The following CNOT7 variants were observed in gnomAD, a reference collection of about 807,000 sequenced individuals.
The protein encoded by CNOT7 is CCR4-NOT transcription complex subunit 7.
A neutral mutation model predicts 37.1 loss-of-function variants in CNOT7; 4 were observed. That is an observed-to-expected ratio of 0.11 (90% CI 0.05 to 0.25). CNOT7 has a LOEUF of 0.25. CNOT7 is among the 10% of genes least tolerant of loss of function. The pLI is 1.00. For synonymous variants in CNOT7, 128 were observed against 115.6 expected, an observed-to-expected ratio of 1.11 and a Z score of -0.69; for missense variants, 170 against 336.2, an observed-to-expected ratio of 0.51 and a Z score of 3.87.
intron 6 of CNOT7, among the ~76,000 whole-genome samples, 154 bp from the exon 7 acceptor site, chr8:17,231,002 A>G (rs548314011): frequency 3.2e-4 from 49 of 152,136 alleles, no homozygotes; most frequent in Non-Finnish European, 6.0e-4. Context: ...TTTCAGTTCA[A>G]TGAGTAAGAC....
rs1438237526 is a variant in CNOT7, at chr8:17,225,729, C to T, written c.*4991G>A. 3.3e-5 allele frequency: 5 copies of T among 151,558 alleles called. No individual in the cohort carries two copies. The highest frequency in any genetic ancestry group is 7.3e-5 in the African/African-American group (3 of 41,344). The allele number at this position is 151,558 out of a possible 1,614,324, so 9.4% of individuals were successfully genotyped here. On this transcript the variant is annotated 3_prime_UTR_variant, in exon 7 of 7. Coordinates refer to ENST00000361272, the MANE Select transcript of CNOT7 (RefSeq NM_013354.7). ...AATGTCTTAATAGAAAAATAAATGA[C>T]AGGTAACGTTGTTATAAAAGAAACT...
At position 17,227,927 on chromosome 8, in the gene CNOT7, C is replaced by A. The variant is rs1563180617; in HGVS notation, c.*2793G>T. On this transcript the variant is annotated 3_prime_UTR_variant, in exon 7 of 7. Coordinates refer to ENST00000361272, the MANE Select transcript of CNOT7 (RefSeq NM_013354.7). ...ATGCTTTCAGGTAATATCTGCATCA[C>A]CATGATTCTGTAGCTTGCCAAGCGG... 6.6e-6 allele frequency: 1 copy of A among 151,866 alleles called. No individual in the cohort carries two copies. Among genetic ancestry groups the A allele is most frequent in the Non-Finnish European group, 1.5e-5 (1 of 67,816 alleles). 9.4% of individuals were successfully genotyped at this position (151,866 alleles called of 1,614,324 possible).
rs1293565165 is a variant in CNOT7, at chr8:17,226,924, C to G, written c.*3796G>C. On this transcript the variant is annotated 3_prime_UTR_variant, in exon 7 of 7. Transcript: ENST00000361272. ...AAAATTTCAATGTCAGCCCAGAGCCCAAAAAAATAAAAATAAATCTTTAGC... is the reference window on the plus strand; with the variant it reads ...AAAATTTCAATGTCAGCCCAGAGCCGAAAAAAATAAAAATAAATCTTTAGC... 1 of 149,526 alleles carries G rather than the reference C, an allele frequency of 6.7e-6. No individual in the cohort carries two copies. The highest frequency in any genetic ancestry group is 1.5e-5 in the Non-Finnish European group (1 of 67,200). 9.3% of individuals were successfully genotyped at this position (149,526 alleles called of 1,614,324 possible).
At chr8:17,238,200 T>C (rs1407249260) in intron 3 of CNOT7, among the ~76,000 whole-genome samples, 2 of 152,240 alleles carry the variant, frequency 1.3e-5, no homozygotes, top group Admixed American at 6.5e-5. Flanking sequence ...AGATACATTT[T>C]TGAGAATACG....
chr8:17,246,775 T>C lies in CNOT7; in HGVS notation c.-196A>G, dbSNP rs1019664617. 6.1e-5 allele frequency: 11 copies of C among 181,386 alleles called. No individual in the cohort carries two copies. Among genetic ancestry groups the C allele is most frequent in the Non-Finnish European group, 1.3e-4 (11 of 86,596 alleles). 11.2% of individuals were successfully genotyped at this position (181,386 alleles called of 1,614,324 possible). On this transcript the variant is annotated 5_prime_UTR_variant, in exon 1 of 7. Transcript: ENST00000361272. ...TGGCGGTAGCGGCGGCGGCAGCGGG[T>C]GCCCCATAGACACCTCTCGCCCAGC...
chr8:17,238,609 C>A (rs1028947213), intron 3 of CNOT7, among the ~76,000 whole-genome samples: 8 of 151,754 alleles, frequency 5.3e-5, no homozygotes, highest in African/African-American at 1.9e-4. Context: ...AGTGCTCACA[C>A]TGAGGCATGC....
intron 3 of CNOT7, among the ~76,000 whole-genome samples, chr8:17,240,224 C>T (rs888626282): frequency 2.0e-5 from 3 of 152,216 alleles, no homozygotes; most frequent in East Asian, 1.9e-4. Context: ...TATCCTTCTC[C>T]TTAAACATCT....
intron 3 of CNOT7, chr8:17,241,301 C>G (rs1394117445): frequency 7.6e-6 from 1 of 131,688 alleles, no homozygotes; most frequent in African/African-American, 2.8e-5. Flanking sequence ...TTTGTAGAGA[C>G]AGAGTCTATG....
rs1808138879 is a variant in CNOT7 at position 17,226,073 on chromosome 8, AAT to A, written c.*4645_*4646del. 1.6e-5 allele frequency: 2 copies of A among 126,138 alleles called. No individual in the cohort carries two copies. Among genetic ancestry groups the A allele is most frequent in the African/African-American group, 5.7e-5 (2 of 34,882 alleles). The allele number at this position is 126,138 out of a possible 1,614,324, so 7.8% of individuals were successfully genotyped here. A position where few individuals can be genotyped will look rare whatever the true frequency, so the allele number is the denominator to read the frequency against. The stretch of plus-strand genomic sequence containing the variant: ...TTTTTTTTGAAAAGGGCAGGTAGCA[AAT>A]ATTAGAGGCTTTGCAAGCTAAGACA... On this transcript the variant is annotated 3_prime_UTR_variant, in exon 7 of 7. Coordinates refer to ENST00000361272, the MANE Select transcript of CNOT7 (RefSeq NM_013354.7).
chr8:17,244,943 A>G, intron 2 of CNOT7, 93 bp downstream of exon 2: 2 of 1,072,290 alleles, frequency 1.9e-6, no homozygotes, highest in Non-Finnish European at 2.7e-6. Flanking sequence ...ATTAATCCCT[A>G]AAAATATCAA....
At chr8:17,237,579 C>G in intron 3 of CNOT7, 1 of 529,420 alleles carries the variant, frequency 1.9e-6, no homozygotes. Flanking sequence ...AATAAAAAAT[C>G]ATTCAGAGAG....
chr8:17,242,811 A>C, intron 3 of CNOT7, 181 bp downstream of exon 3: 1 of 437,112 alleles, frequency 2.3e-6, no homozygotes, highest in Non-Finnish European at 4.1e-6. Flanking sequence ...TTAACATCAA[A>C]GTATTTTTTT....
At chr8:17,238,420 A>G (rs1004816744) in intron 3 of CNOT7, among the ~76,000 whole-genome samples, 1 of 152,156 alleles carries the variant, frequency 6.6e-6, no homozygotes, top group African/African-American at 2.4e-5. Context: ...ATTTTAAAAG[A>G]GAAGGAAACC....
intron 4 of CNOT7, among the ~76,000 whole-genome samples, chr8:17,235,449 G>A (rs1809220070): frequency 6.6e-6 from 1 of 152,056 alleles, no homozygotes; most frequent in East Asian, 1.9e-4. Flanking sequence ...CTTTCAGTGT[G>A]GCTCCCTAAG....
chr8:17,226,501 C>T lies in CNOT7; in HGVS notation c.*4219G>A, dbSNP rs1207508735. 1 of 151,436 alleles carries T rather than the reference C, an allele frequency of 6.6e-6. No individual in the cohort carries two copies. Among genetic ancestry groups the T allele is most frequent in the African/African-American group, 2.4e-5 (1 of 41,308 alleles). The allele number at this position is 151,436 out of a possible 1,614,324, so 9.4% of individuals were successfully genotyped here. A position where few individuals can be genotyped will look rare whatever the true frequency, so the allele number is the denominator to read the frequency against. On this transcript the variant is annotated 3_prime_UTR_variant, in exon 7 of 7. Transcript: ENST00000361272. ...TAGGATTCATCTTTTTGGTATTTGC[C>T]CTTTAGCATGTCATTCATTCAAGAT...
At chr8:17,242,562 C>G (rs1455500345) in intron 3 of CNOT7, 1 of 153,552 alleles carries the variant, frequency 6.5e-6, no homozygotes, top group Non-Finnish European at 1.4e-5. Flanking sequence ...GAAAACGTAC[C>G]CAAGGTTCCA....
chr8:17,236,870 C>T (rs370264474), intron 4 of CNOT7, among the ~76,000 whole-genome samples: 3 of 152,120 alleles, frequency 2.0e-5, no homozygotes, highest in Non-Finnish European at 4.4e-5. Context: ...TGGTTTCCCC[C>T]GTAGAACATT....
rs766224679 is a variant in CNOT7 at position 17,232,556 on chromosome 8, T to G, written c.619-19A>C. The G allele has an allele frequency of 6.2e-7, 1 of 1,601,602 alleles. No individual in the cohort carries two copies. Among genetic ancestry groups the G allele is most frequent in the Non-Finnish European group, 8.5e-7 (1 of 1,176,772 alleles). ...ATCCACCCTAGAAAAAATAAAAAAT[T>G]GCTTGTCAAGAAGAAAAATCTTACA... is the stretch of plus-strand genomic sequence containing the variant. On this transcript the variant is annotated intron_variant, in intron 5 of 6. Coordinates refer to ENST00000361272, the MANE Select transcript of CNOT7 (RefSeq NM_013354.7).
At chr8:17,239,535 G>A (rs368984308) in intron 3 of CNOT7, among the ~76,000 whole-genome samples, 3 of 152,018 alleles carry the variant, frequency 2.0e-5, no homozygotes, top group Non-Finnish European at 2.9e-5. Flanking sequence ...TCACTCTGTC[G>A]CCCAGACTGG....
Sources: allele counts gnomAD v4.1 joint callset (sites outside exome capture counted in the v4.1 genomes callset), GRCh38; gene constraint gnomAD v4.1.1; transcripts MANE v1.5; gene names NCBI Gene and HGNC (gene_info 2026-07-23, HGNC 2026-07-21).